The following STOX2 variants were observed in gnomAD, a reference collection of about 807,000 sequenced individuals.
The protein encoded by STOX2 is storkhead box 2.
In STOX2, 28 loss-of-function variants were observed where a neutral mutation model predicts 60.9. The ratio of observed to expected loss-of-function variants is 0.46; its 90% CI spans 0.34 to 0.63. The LOEUF (loss-of-function observed/expected upper bound fraction) is 0.63, where lower values mean the gene tolerates loss of function less well. Among genes scored for constraint, STOX2 ranks in the 30% least tolerant of loss-of-function variants. The pLI, the probability that STOX2 is intolerant of heterozygous loss-of-function variation, is 0.01. For missense variants in STOX2, 1,024 were observed against 1,187.7 expected (o/e 0.86, Z 2.03); for synonymous variants, 472 against 463.9 (o/e 1.02, Z -0.22).
intron 1 of STOX2, among the ~76,000 whole-genome samples, chr4:183,979,633 G>A (rs1352068006): frequency 6.6e-6 from 1 of 151,968 alleles, no homozygotes; most frequent in Non-Finnish European, 1.5e-5. Context: ...AACAGTATTA[G>A]TTCCTAATTT....
intron 1 of STOX2, among the ~76,000 whole-genome samples, chr4:183,951,488 T>C (rs1743091456): frequency 7.0e-6 from 1 of 143,036 alleles, no homozygotes; most frequent in African/African-American, 2.6e-5. Context: ...TTCGTTCTTG[T>C]TGCCCAGGCT....
At chr4:183,942,770 A>G (rs1467390984) in intron 1 of STOX2, among the ~76,000 whole-genome samples, 3 of 152,214 alleles carry the variant, frequency 2.0e-5, no homozygotes, top group Non-Finnish European at 4.4e-5. Context: ...GGCCATATTT[A>G]TAAAGATTTT....
rs59675177 is a variant in STOX2 at position 183,827,876 on chromosome 4, C to CA, written c.364+29838dup. On this transcript the variant is annotated intron_variant, in intron 1 of 2. Transcript: ENST00000513034. ...TGGGTGACAGAATGAAATCCTGCCT[C>CA]AAAAAAAAAAAAAAAAAGAAAGAAA... Among the ~76,000 whole-genome samples the CA allele has an allele frequency of 5.8e-3, 578 of 99,158 alleles. 5 individuals are homozygous for CA. The highest frequency in any genetic ancestry group is 0.035 in the East Asian group (93 of 2,662). The allele number at this position is 99,158 out of a possible 152,430, so 65.1% of individuals were successfully genotyped here.
rs572230678 is a variant in STOX2 at position 183,851,144 on chromosome 4, A to C, written c.364+53089A>C. On this transcript the variant is annotated intron_variant, in intron 1 of 2. Transcript: ENST00000513034. ...AAAGGATGAGGGAAACGATGAGGGA[A>C]AGGATGAGAGAAACGATGAGAAAGG... Among the ~76,000 whole-genome samples, 6 of 49,648 alleles carry C rather than the reference A, an allele frequency of 1.2e-4. 2 individuals are homozygous for C. Among genetic ancestry groups the C allele is most frequent in the African/African-American group, 3.9e-4 (6 of 15,404 alleles). The allele number at this position is 49,648 out of a possible 152,430, so 32.6% of individuals were successfully genotyped here. A position where few individuals can be genotyped will look rare whatever the true frequency, so the allele number is the denominator to read the frequency against.
intron 1 of STOX2, among the ~76,000 whole-genome samples, chr4:183,843,182 G>T (rs1489816086): frequency 6.6e-6 from 1 of 150,664 alleles, no homozygotes; most frequent in Admixed American, 6.6e-5. Context: ...AAAAGAAAAA[G>T]AAAAATGTTT....
intron 1 of STOX2, among the ~76,000 whole-genome samples, chr4:183,954,359 G>A (rs1266528775): frequency 6.6e-6 from 1 of 151,914 alleles, no homozygotes; most frequent in Non-Finnish European, 1.5e-5. Flanking sequence ...CATGATCTTG[G>A]CTCGCTGCAA....
At chr4:183,954,870 C>G (rs1743203390) in intron 1 of STOX2, among the ~76,000 whole-genome samples, 2 of 152,096 alleles carry the variant, frequency 1.3e-5, no homozygotes, top group African/African-American at 4.8e-5. Context: ...TCCCAAGTAG[C>G]TGGGATTACA....
At chr4:183,811,594 G>A (rs886519905) in intron 1 of STOX2, among the ~76,000 whole-genome samples, 1 of 152,244 alleles carries the variant, frequency 6.6e-6, no homozygotes, top group Non-Finnish European at 1.5e-5. Flanking sequence ...AATAAAAGCA[G>A]GAAGGGGAAT....
chr4:183,892,729 A>G (rs548088052), intron 1 of STOX2, among the ~76,000 whole-genome samples: 1 of 152,306 alleles, frequency 6.6e-6, no homozygotes, highest in South Asian at 2.1e-4. Flanking sequence ...CATAATCGAT[A>G]CATACTTAAG....
intron 1 of STOX2, among the ~76,000 whole-genome samples, chr4:183,961,380 C>G (rs1269339579): frequency 1.3e-5 from 2 of 152,170 alleles, no homozygotes; most frequent in African/African-American, 4.8e-5. Context: ...GCTGCTGCTG[C>G]TGCTGCATAG....
At chr4:183,918,354 C>T (rs960964368) in intron 1 of STOX2, among the ~76,000 whole-genome samples, 3 of 152,118 alleles carry the variant, frequency 2.0e-5, no homozygotes, top group African/African-American at 2.4e-5. Flanking sequence ...TCAGTGTTCC[C>T]GTGGAATATA....
intron 1 of STOX2, among the ~76,000 whole-genome samples, chr4:183,805,656 T>A (rs1013010775): frequency 2.1e-4 from 32 of 152,004 alleles, no homozygotes; most frequent in African/African-American, 7.7e-4. Flanking sequence ...AAAAAAGTTT[T>A]AAAAAAATTA....
In STOX2 at chr4:184,001,512, C is replaced by T. The variant is rs772539985; in HGVS notation, c.319+35C>T. ...CGGGAACGTAGCACTTTCCAGGTGG[C>T]GGTGTGCTGTGGTCGCTCTAGGACT... is the stretch of plus-strand genomic sequence containing the variant. On this transcript the variant is annotated intron_variant, in intron 2 of 3. Coordinates refer to ENST00000308497, the MANE Select transcript of STOX2 (RefSeq NM_020225.3). The surrounding 1 kb of genome is among the most constrained non-coding windows in gnomAD (Gnocchi z 4.2). 15 of 1,608,144 alleles carry T rather than the reference C, an allele frequency of 9.3e-6. No individual in the cohort carries two copies. The highest frequency in any genetic ancestry group is 5.3e-5 in the African/African-American group (4 of 74,810).
intron 1 of STOX2, among the ~76,000 whole-genome samples, chr4:183,945,867 G>A (rs896292640): frequency 1.3e-5 from 2 of 152,106 alleles, no homozygotes; most frequent in East Asian, 3.9e-4. Context: ...TGTAGCCATC[G>A]TATCCTCCTT....
chr4:183,883,476 C>T (rs565580527), intron 1 of STOX2, among the ~76,000 whole-genome samples: 35 of 152,166 alleles, frequency 2.3e-4, no homozygotes, highest in African/African-American at 7.0e-4. Flanking sequence ...CCTGCCACCA[C>T]GCCCAGCTAA....
At chr4:183,884,233 A>G (rs775932486) in intron 1 of STOX2, among the ~76,000 whole-genome samples, 1 of 40,950 alleles carries the variant, frequency 2.4e-5, no homozygotes, top group African/African-American at 9.0e-5. Context: ...TCATTTGAGT[A>G]TCAGTATATT....
Position 184,011,485 on chromosome 4 carries a change from T to C in STOX2, c.2585+62T>C. ...AGCGGGGCCTGGGGCTTTATGCACG[T>C]AACTTGACAAGTTTCTGATTTCGTA... On this transcript the variant is annotated intron_variant, in intron 3 of 3. Transcript: ENST00000308497. The surrounding 1 kb of genome is among the most constrained non-coding windows in gnomAD (Gnocchi z 4.4). 6.3e-7 allele frequency: 1 copy of C among 1,585,784 alleles called. No homozygotes were observed. The highest frequency in any genetic ancestry group is 2.2e-5 in the East Asian group (1 of 44,694).
At chr4:183,976,613 C>T (rs552778121) in intron 1 of STOX2, among the ~76,000 whole-genome samples, 1 of 152,186 alleles carries the variant, frequency 6.6e-6, no homozygotes, top group Non-Finnish European at 1.5e-5. Flanking sequence ...GTACTATGCT[C>T]ACTACCTGGA....
chr4:183,973,771 G>A (rs1339792239), intron 1 of STOX2, among the ~76,000 whole-genome samples: 3 of 152,202 alleles, frequency 2.0e-5, no homozygotes, highest in African/African-American at 7.2e-5. Flanking sequence ...CGAGGTGGGT[G>A]GATCACGAGG....
Sources: gnomAD v4.1 joint callset for allele counts (sites outside exome capture counted in the v4.1 genomes callset) on GRCh38, gnomAD v4.1.1 for gene constraint, Gnocchi (gnomAD v3.1) non-coding constraint, MANE v1.5 for transcripts, NCBI Gene and HGNC (gene_info 2026-07-23, HGNC 2026-07-21) for gene names.